The following NTM variants were observed in gnomAD, a reference collection of about 807,000 sequenced individuals.
NTM encodes the protein neurotrimin.
In NTM, 13 loss-of-function variants were observed where a neutral mutation model predicts 42.1. The ratio of observed to expected loss-of-function variants is 0.31; its 90% CI spans 0.20 to 0.49. The LOEUF (loss-of-function observed/expected upper bound fraction) is 0.49, where lower values mean the gene tolerates loss of function less well. NTM is among the 20% of genes least tolerant of loss of function. The pLI, the probability that NTM is intolerant of heterozygous loss-of-function variation, is 0.99. For missense variants in NTM, 373 were observed against 452.8 expected, an observed-to-expected ratio of 0.82 and a Z score of 1.60; for synonymous variants, 187 against 179.2, an observed-to-expected ratio of 1.04 and a Z score of -0.35.
At chr11:131,675,416 C>T (rs1406628792) in intron 1 of NTM, among the ~76,000 whole-genome samples, 1 of 152,136 alleles carries the variant, frequency 6.6e-6, no homozygotes, top group African/African-American at 2.4e-5. Context: ...GAACCTTTGC[C>T]AAATGCATTG....
At chr11:132,204,532 GAGGAGCTGAAATTGAAA>G (rs752650331) in intron 3 of NTM, among the ~76,000 whole-genome samples, 47 of 152,146 alleles carry the variant, frequency 3.1e-4, no homozygotes, top group Non-Finnish European at 5.4e-4. Context: ...AGCCTTCTGT[GAGGAGCTGAAATTGAAA>G]TAATTAGACA....
intron 2 of NTM, among the ~76,000 whole-genome samples, chr11:131,973,500 G>A (rs895299729): frequency 2.0e-5 from 3 of 152,142 alleles, no homozygotes; most frequent in Non-Finnish European, 4.4e-5. Context: ...GGAGTGCTTT[G>A]TTCTTCTCAT....
At chr11:132,101,439 A>C (rs561333938) in intron 2 of NTM, among the ~76,000 whole-genome samples, 1 of 152,312 alleles carries the variant, frequency 6.6e-6, no homozygotes, top group African/African-American at 2.4e-5. Flanking sequence ...GGTGGAAGTT[A>C]CACAAAGACT....
intron 2 of NTM, among the ~76,000 whole-genome samples, chr11:132,046,624 A>G: frequency 6.6e-6 from 1 of 152,174 alleles, no homozygotes; most frequent in East Asian, 1.9e-4. Context: ...CCTGGGGACA[A>G]CAGGTTTCCG....
chr11:131,969,910 G>A (rs906450673), intron 2 of NTM, among the ~76,000 whole-genome samples: 19 of 152,192 alleles, frequency 1.2e-4, no homozygotes, highest in African/African-American at 4.3e-4. Context: ...TTGACGTCCT[G>A]ACTCAAGAGA....
intron 2 of NTM, among the ~76,000 whole-genome samples, chr11:132,076,610 G>A (rs1345120636): frequency 6.6e-6 from 1 of 152,166 alleles, no homozygotes; most frequent in African/African-American, 2.4e-5. Flanking sequence ...AGATGATTTG[G>A]TAAAGAACGA....
rs151191797 is a variant in NTM, at chr11:131,985,299, A to G, written c.167+73651A>G. On this transcript the variant is annotated intron_variant, in intron 2 of 8. Coordinates refer to ENST00000683400, the MANE Select transcript of NTM (RefSeq NM_001352005.2). ...TCACAACAAGGGTCTACAGACTTCT[A>G]TCTCATTCTGTTTTCTTGACACCCA... Among the ~76,000 whole-genome samples, 45 of 152,336 alleles carry G rather than the reference A, an allele frequency of 3.0e-4. 1 individual carries two copies. Among genetic ancestry groups the G allele is most frequent in the Admixed American group, 9.8e-4 (15 of 15,300 alleles).
intron 1 of NTM, among the ~76,000 whole-genome samples, chr11:131,712,763 T>C (rs2077308198): frequency 1.3e-5 from 2 of 152,088 alleles, no homozygotes; most frequent in South Asian, 4.1e-4. Context: ...TTTGTATTTT[T>C]TGTAGAGACG....
intron 1 of NTM, chr11:131,537,062 T>C (rs895900461): frequency 2.6e-5 from 4 of 151,960 alleles, no homozygotes; most frequent in Non-Finnish European, 5.9e-5. Context: ...GAAAGCTCAG[T>C]ATGAATACCT....
At chr11:131,952,837 T>C (rs924836209) in intron 2 of NTM, among the ~76,000 whole-genome samples, 17 of 152,244 alleles carry the variant, frequency 1.1e-4, no homozygotes, top group African/African-American at 4.1e-4. Context: ...TGGTGACCAA[T>C]GCATTATCTC....
rs141718129 is a variant in NTM, at chr11:132,155,889, G to A, written c.400+9375G>A. Among the ~76,000 whole-genome samples, 773 of 152,340 alleles carry A rather than the reference G, an allele frequency of 5.1e-3. 1 individual carries two copies. Among genetic ancestry groups the A allele is most frequent in the South Asian group, 0.012 (57 of 4,828 alleles). On this transcript the variant is annotated intron_variant, in intron 3 of 8. Coordinates refer to ENST00000683400, the MANE Select transcript of NTM (RefSeq NM_001352005.2). ...ATGGGGATGTGCAAAGGAGTGGGGT[G>A]CAGGTAGGGTGTGTAAGGGCAGCAG... is the stretch of plus-strand genomic sequence containing the variant.
chr11:131,509,126 C>T (rs1416485516), intron 1 of NTM, among the ~76,000 whole-genome samples: 2 of 152,170 alleles, frequency 1.3e-5, no homozygotes, highest in African/African-American at 2.4e-5. Context: ...TGTCCCCTTG[C>T]CTCTACACCA....
chr11:131,591,729 G>T (rs1006067665), intron 1 of NTM, among the ~76,000 whole-genome samples: 4 of 152,168 alleles, frequency 2.6e-5, no homozygotes, highest in African/African-American at 9.7e-5. Flanking sequence ...GCTCAGCCCT[G>T]CTCATCACAG....
At chr11:131,983,822 C>T (rs1346854961) in intron 2 of NTM, among the ~76,000 whole-genome samples, 1 of 152,192 alleles carries the variant, frequency 6.6e-6, no homozygotes, top group Non-Finnish European at 1.5e-5. Flanking sequence ...CTCAGGGATC[C>T]AGGCTAACCA....
intron 2 of NTM, among the ~76,000 whole-genome samples, chr11:132,134,375 T>A (rs1312402074): frequency 6.6e-6 from 1 of 152,054 alleles, no homozygotes; most frequent in African/African-American, 2.4e-5. Context: ...TGGCATTTGG[T>A]TACGTGAATA....
chr11:131,975,582 A>G (rs1352439234), intron 2 of NTM, among the ~76,000 whole-genome samples: 22 of 152,178 alleles, frequency 1.4e-4, no homozygotes, highest in Admixed American at 1.4e-3. Context: ...ATAAAAGCTT[A>G]AATAAGGGCC....
intron 1 of NTM, among the ~76,000 whole-genome samples, chr11:131,612,315 G>A (rs2061524867): frequency 6.6e-6 from 1 of 152,222 alleles, no homozygotes; most frequent in Non-Finnish European, 1.5e-5. Context: ...CAGAAACTGT[G>A]AGCAGTAGCA....
intron 1 of NTM, among the ~76,000 whole-genome samples, chr11:131,517,690 T>C (rs970944759): frequency 1.3e-5 from 2 of 152,256 alleles, no homozygotes; most frequent in African/African-American, 4.8e-5. Context: ...AATAGCCTTC[T>C]AGTCCGCAGC....
At chr11:131,705,714 G>A (rs142460879) in intron 1 of NTM, among the ~76,000 whole-genome samples, 98 of 152,204 alleles carry the variant, frequency 6.4e-4, no homozygotes, top group Middle Eastern at 3.4e-3. Flanking sequence ...AATGTGGGAA[G>A]AAGAGAAGTT....
Sources: allele counts gnomAD v4.1 joint callset (sites outside exome capture counted in the v4.1 genomes callset), GRCh38; gene constraint gnomAD v4.1.1; transcripts MANE v1.5; gene names NCBI Gene and HGNC (gene_info 2026-07-23, HGNC 2026-07-21).